Variants in CXCL13 observed in about 807,000 individuals in gnomAD.
CXCL13 encodes the protein C-X-C motif chemokine 13.
A neutral mutation model predicts 12.2 loss-of-function variants in CXCL13; 7 were observed. That is an observed-to-expected ratio of 0.57 (90% CI 0.33 to 1.07). The LOEUF (loss-of-function observed/expected upper bound fraction) is 1.07, where lower values mean the gene tolerates loss of function less well. Among genes scored for constraint, CXCL13 ranks in the 50% least tolerant of loss-of-function variants. The pLI, the probability that CXCL13 is intolerant of heterozygous loss-of-function variation, is 0.04. For missense variants in CXCL13, 113 were observed against 127.4 expected (o/e 0.89, Z 0.55); for synonymous variants, 47 against 42.4 (o/e 1.11, Z -0.42).
chr4:77,556,383 A>G (rs1478978705), intron 1 of CXCL13, among the ~76,000 whole-genome samples: 1 of 152,188 alleles, frequency 6.6e-6, no homozygotes, highest in Non-Finnish European at 1.5e-5. Flanking sequence ...GTGATATTTT[A>G]GAAAAAGGAA....
chr4:77,608,645 G>A (rs746938204), intron 2 of CXCL13, among the ~76,000 whole-genome samples: 12 of 152,152 alleles, frequency 7.9e-5, no homozygotes, highest in Admixed American at 6.5e-5. Context: ...CTTCCTCTTT[G>A]TCACATTTTG....
chr4:77,564,694 C>G (rs1177315626), intron 1 of CXCL13, among the ~76,000 whole-genome samples: 1 of 152,202 alleles, frequency 6.6e-6, no homozygotes, highest in African/African-American at 2.4e-5. Flanking sequence ...AGTGCTGGAG[C>G]CTGGACTTTA....
At chr4:77,554,646 T>C (rs1299078302) in intron 1 of CXCL13, among the ~76,000 whole-genome samples, 7 of 152,100 alleles carry the variant, frequency 4.6e-5, no homozygotes, top group African/African-American at 1.7e-4. Context: ...CAATAACATA[T>C]ACATTATTTT....
intron 1 of CXCL13, among the ~76,000 whole-genome samples, chr4:77,530,722 C>A (rs1045383924): frequency 2.0e-5 from 3 of 152,098 alleles, no homozygotes; most frequent in African/African-American, 7.2e-5. Context: ...TTTCAAAAAA[C>A]CAGCTCCTGG....
intron 1 of CXCL13, among the ~76,000 whole-genome samples, chr4:77,530,332 A>G (rs963643961): frequency 3.9e-5 from 6 of 152,122 alleles, no homozygotes; most frequent in Non-Finnish European, 8.8e-5. Context: ...TATTGATTGG[A>G]ATAGTTTCGG....
intron 1 of CXCL13, among the ~76,000 whole-genome samples, chr4:77,567,994 C>T (rs570788372): frequency 6.6e-6 from 1 of 152,306 alleles, no homozygotes; most frequent in South Asian, 2.1e-4. Flanking sequence ...TTTCACTTTA[C>T]TCTGTCCACT....
intron 1 of CXCL13, among the ~76,000 whole-genome samples, chr4:77,534,012 C>A (rs1039992379): frequency 6.6e-6 from 1 of 152,220 alleles, no homozygotes; most frequent in Non-Finnish European, 1.5e-5. Flanking sequence ...CCTGCTTTGG[C>A]TCATGCTTGG....
intron 1 of CXCL13, among the ~76,000 whole-genome samples, chr4:77,526,566 T>C (rs1180592891): frequency 6.6e-6 from 1 of 152,138 alleles, no homozygotes; most frequent in East Asian, 1.9e-4. Flanking sequence ...TGAAATATAC[T>C]TCTTAACTCA....
intron 1 of CXCL13, among the ~76,000 whole-genome samples, chr4:77,516,528 A>G (rs1384989443): frequency 1.3e-5 from 2 of 152,174 alleles, no homozygotes; most frequent in Non-Finnish European, 2.9e-5. Context: ...TTCCTGGTTT[A>G]GTCTTGGGAG....
chr4:77,570,937 G>A (rs187153), intron 1 of CXCL13, among the ~76,000 whole-genome samples: 66,545 of 151,792 alleles, frequency 0.44, 15,418 homozygotes, highest in African/African-American at 0.55. Flanking sequence ...GCCATGCCTG[G>A]GCCTTCCTCT....
intron 1 of CXCL13, among the ~76,000 whole-genome samples, chr4:77,588,551 T>A (rs972213057): frequency 6.6e-6 from 1 of 152,234 alleles, no homozygotes. Context: ...GAATTATTTT[T>A]AAATATGTAA....
chr4:77,516,350 T>C (rs1237478496), intron 1 of CXCL13, among the ~76,000 whole-genome samples: 2 of 152,246 alleles, frequency 1.3e-5, no homozygotes, highest in African/African-American at 2.4e-5. Flanking sequence ...TTCCCTCTTT[T>C]TCTATTGATT....
At chr4:77,582,379 A>G (rs1172911858) in intron 1 of CXCL13, among the ~76,000 whole-genome samples, 1 of 152,198 alleles carries the variant, frequency 6.6e-6, no homozygotes, top group East Asian at 1.9e-4. Context: ...ATAACAAAGG[A>G]AGGTGACCTA....
At chr4:77,553,555 G>A (rs376566125) in intron 1 of CXCL13, among the ~76,000 whole-genome samples, 5 of 152,200 alleles carry the variant, frequency 3.3e-5, no homozygotes, top group Admixed American at 3.3e-4. Context: ...GATCCCCAGT[G>A]GAAAGGTGAG....
intron 1 of CXCL13, among the ~76,000 whole-genome samples, chr4:77,578,566 G>A (rs1161910708): frequency 6.6e-6 from 1 of 152,176 alleles, no homozygotes; most frequent in Non-Finnish European, 1.5e-5. Context: ...CTTCTGTAGG[G>A]GGAAAGAGTC....
chr4:77,556,971 C>A (rs992113752), intron 1 of CXCL13, among the ~76,000 whole-genome samples: 1 of 151,942 alleles, frequency 6.6e-6, no homozygotes, highest in African/African-American at 2.4e-5. Flanking sequence ...GATTTATGAT[C>A]GTGCCACTGC....
At chr4:77,570,344 G>A (rs1021071257) in intron 1 of CXCL13, among the ~76,000 whole-genome samples, 1 of 152,222 alleles carries the variant, frequency 6.6e-6, no homozygotes, top group African/African-American at 2.4e-5. Flanking sequence ...TACATAATGG[G>A]AGAAAATTTT....
chr4:77,518,508 T>C (rs1215218330), intron 1 of CXCL13, among the ~76,000 whole-genome samples: 1 of 152,214 alleles, frequency 6.6e-6, no homozygotes, highest in Admixed American at 6.5e-5. Flanking sequence ...TTATTCTTTT[T>C]TCTCTAAACT....
chr4:77,564,357 A>G (rs1725877218), intron 1 of CXCL13, among the ~76,000 whole-genome samples: 1 of 152,230 alleles, frequency 6.6e-6, no homozygotes, highest in Admixed American at 6.5e-5. Flanking sequence ...GAGCAGGCAC[A>G]GATGGGATGG....
Sources: allele counts gnomAD v4.1 joint callset (sites outside exome capture counted in the v4.1 genomes callset), GRCh38; gene constraint gnomAD v4.1.1; transcripts MANE v1.5; gene names NCBI Gene and HGNC (gene_info 2026-07-23, HGNC 2026-07-21).